Variants in CFAP20DC observed in about 807,000 individuals in gnomAD.
The protein encoded by CFAP20DC is protein CFAP20DC.
A neutral mutation model predicts 101.7 loss-of-function variants in CFAP20DC; 84 were observed. That is an observed-to-expected ratio of 0.83 (90% CI 0.69 to 0.99). The LOEUF is 0.99. Ranked by LOEUF, CFAP20DC falls within the 50% of genes least tolerant of loss-of-function variation. The pLI, the probability that CFAP20DC is intolerant of heterozygous loss-of-function variation, is 0.00. For missense variants in CFAP20DC, 1,007 were observed against 970.3 expected, an observed-to-expected ratio of 1.04 and a Z score of -0.50; for synonymous variants, 359 against 351.2, an observed-to-expected ratio of 1.02 and a Z score of -0.25.
downstream of CFAP20DC, among the ~76,000 whole-genome samples, chr3:58,741,486 T>C (rs2067883257): frequency 6.6e-6 from 1 of 151,894 alleles, no homozygotes; most frequent in East Asian, 1.9e-4. Context: ...AATTCAGAGA[T>C]AATTGTCAAA....
rs1161991218 is a variant in CFAP20DC, at chr3:58,964,325, G to A, written c.279-26563C>T. Among the ~76,000 whole-genome samples, 1 of 152,168 alleles carries A rather than the reference G, an allele frequency of 6.6e-6. No homozygotes were observed. The highest frequency in any genetic ancestry group is 1.5e-5 in the Non-Finnish European group (1 of 68,032). Reference sequence around the variant, plus strand: ...CTGAAAAGACCTTTTGAGGTACAGGGCCTAACTGTAATACATTTGAATGTT... The same window carrying A: ...CTGAAAAGACCTTTTGAGGTACAGGACCTAACTGTAATACATTTGAATGTT... On this transcript the variant is annotated intron_variant, in intron 4 of 16. Coordinates refer to ENST00000482387, the MANE Select transcript of CFAP20DC (RefSeq NM_001394063.1). The surrounding 1 kb of genome is among the most constrained non-coding windows in gnomAD (Gnocchi z 4.1).
intron 4 of CFAP20DC, among the ~76,000 whole-genome samples, chr3:58,948,673 C>A (rs1430686543): frequency 6.6e-6 from 1 of 152,194 alleles, no homozygotes. Flanking sequence ...TTTTGATGTG[C>A]TGCTGGATTC....
At chr3:58,983,280 T>C (rs1327989035) in intron 4 of CFAP20DC, among the ~76,000 whole-genome samples, 1 of 152,184 alleles carries the variant, frequency 6.6e-6, no homozygotes, top group African/African-American at 2.4e-5. Context: ...GCTACACCTG[T>C]TTTATGGAAG....
In CFAP20DC at chr3:58,914,948, G is replaced by T. The variant is rs1243669793; in HGVS notation, c.394-1084C>A. The T allele has an allele frequency of 3.3e-5, 5 of 152,182 alleles. No individual in the cohort carries two copies. Among genetic ancestry groups the T allele is most frequent in the Admixed American group, 2.0e-4 (3 of 15,256 alleles). 9.4% of individuals were successfully genotyped at this position (152,182 alleles called of 1,614,324 possible). A position where few individuals can be genotyped will look rare whatever the true frequency, so the allele number is the denominator to read the frequency against. On this transcript the variant is annotated intron_variant, in intron 5 of 16. Coordinates refer to ENST00000482387, the MANE Select transcript of CFAP20DC (RefSeq NM_001394063.1). This position sits in a 1 kb window ranked among gnomAD's most constrained non-coding sequence, Gnocchi z 4.9. ...AGGCAGCAGGTAAACTGAGAGTCAA[G>T]TAATAGTGTGATTGGCTTGACTGGC... is the stretch of plus-strand genomic sequence containing the variant.
rs1197528359 is a variant in CFAP20DC, at chr3:58,799,737, G to A, written c.2237+6658C>T. 9.8e-6 allele frequency among the ~76,000 whole-genome samples: 1 copy of A among 101,992 alleles called. No individual in the cohort carries two copies. The highest frequency in any genetic ancestry group is 2.0e-5 in the Non-Finnish European group (1 of 50,218). The allele number at this position is 101,992 out of a possible 152,430, so 66.9% of individuals were successfully genotyped here. A position where few individuals can be genotyped will look rare whatever the true frequency, so the allele number is the denominator to read the frequency against. ...TGTGTGTGTCTGTGTGTGTGTCTGT[G>A]TGTGTGTGTGTGTGTGTGTGTGTGT... is the stretch of plus-strand genomic sequence containing the variant. On this transcript the variant is annotated intron_variant, in intron 15 of 16. Coordinates refer to ENST00000482387, the MANE Select transcript of CFAP20DC (RefSeq NM_001394063.1). This position sits in a 1 kb window ranked among gnomAD's most constrained non-coding sequence, Gnocchi z 4.9.
intron 15 of CFAP20DC, among the ~76,000 whole-genome samples, chr3:58,789,994 G>A (rs974736095): frequency 6.6e-5 from 10 of 152,096 alleles, no homozygotes; most frequent in African/African-American, 2.4e-4. Flanking sequence ...AACTATTTTA[G>A]ACTAAGAATT....
intron 13 of CFAP20DC, among the ~76,000 whole-genome samples, chr3:58,839,636 G>A (rs2076966186): frequency 6.6e-6 from 1 of 152,188 alleles, no homozygotes; most frequent in African/African-American, 2.4e-5. Context: ...TTGATGAGTA[G>A]GATGCTAACC....
At position 58,771,406 on chromosome 3, in the gene CFAP20DC, C is replaced by CA. The variant is rs544858645; in HGVS notation, c.2238-17544dup. On this transcript the variant is annotated intron_variant, in intron 15 of 16. Transcript: ENST00000482387. ...CCAGAACTTAAAGTATAATAAAAAA[C>CA]AAAAAAAAACAAGCAAAAAACAAAA... is the stretch of plus-strand genomic sequence containing the variant. Among the ~76,000 whole-genome samples, 624 of 149,370 alleles carry CA rather than the reference C, an allele frequency of 4.2e-3. 5 individuals are homozygous for CA. Among genetic ancestry groups the CA allele is most frequent in the Middle Eastern group, 0.014 (4 of 292 alleles).
At chr3:58,858,948 T>G (rs1159568676) in intron 12 of CFAP20DC, among the ~76,000 whole-genome samples, 1 of 152,190 alleles carries the variant, frequency 6.6e-6, no homozygotes, top group Non-Finnish European at 1.5e-5. Flanking sequence ...AATAATTTCT[T>G]CTTTGATGAT....
intron 7 of CFAP20DC, among the ~76,000 whole-genome samples, chr3:58,877,341 T>A (rs910102160): frequency 6.6e-6 from 1 of 152,210 alleles, no homozygotes; most frequent in African/African-American, 2.4e-5. Flanking sequence ...TATAAATAAC[T>A]ACATGATTAT....
At chr3:58,941,512 T>C (rs1332966906) in intron 4 of CFAP20DC, among the ~76,000 whole-genome samples, 1 of 152,072 alleles carries the variant, frequency 6.6e-6, no homozygotes, top group Non-Finnish European at 1.5e-5. Context: ...AACAATCATG[T>C]CCCGGAGTGA....
chr3:58,961,316 G>C (rs1289476543), intron 4 of CFAP20DC, among the ~76,000 whole-genome samples: 2 of 152,206 alleles, frequency 1.3e-5, no homozygotes, highest in Non-Finnish European at 2.9e-5. Flanking sequence ...CACTTTGGGA[G>C]GCCAAGGTGG....
Position 58,913,750 on chromosome 3 carries a change from A to G in CFAP20DC, c.508T>C (p.Phe170Leu). ...VSANCKLRKI[F>L]TLKSKPQDTA... ...TCTTGTGGCTTTGATTTTAAGGTGA[A>G]GATCTTCCGTAGCTTACAGTTAGCT... is the stretch of plus-strand genomic sequence containing the variant. The change falls in exon 6 of 17, where the codon TTC becomes CTC. Residue 170 changes from phenylalanine to leucine, a missense_variant. Phe to Leu is a conservative substitution (Grantham distance 22). Coordinates refer to ENST00000482387, the MANE Select transcript of CFAP20DC (RefSeq NM_001394063.1). The surrounding 1 kb of genome is among the most constrained non-coding windows in gnomAD (Gnocchi z 4.4). 2.5e-6 allele frequency: 4 copies of G among 1,613,758 alleles called. No homozygotes were observed. The highest frequency in any genetic ancestry group is 3.4e-6 in the Non-Finnish European group (4 of 1,179,810).
chr3:58,725,357 C>T (rs1051200454), intron 3 of CFAP20DC, among the ~76,000 whole-genome samples: 5 of 152,178 alleles, frequency 3.3e-5, no homozygotes, highest in Admixed American at 3.3e-4. Context: ...TGGACTGTTT[C>T]TGGGTTGCCG....
At chr3:58,775,431 T>C (rs2071234891) in intron 15 of CFAP20DC, among the ~76,000 whole-genome samples, 2 of 152,190 alleles carry the variant, frequency 1.3e-5, no homozygotes, top group South Asian at 2.1e-4. Context: ...CCTTTCACAC[T>C]AGTGTGATTG....
chr3:59,049,639 G>T lies in CFAP20DC; in HGVS notation c.-8C>A, dbSNP rs1272552055. ...GTACTCATTTTTGAACATTCCCGCA[G>T]GGGGCCCAGGGCTTGGGGGGCACAG... is the stretch of plus-strand genomic sequence containing the variant. On this transcript the variant is annotated 5_prime_UTR_variant, in exon 1 of 17. In the 5' UTR this introduces an upstream ATG that the reference lacks. Coordinates refer to ENST00000482387, the MANE Select transcript of CFAP20DC (RefSeq NM_001394063.1). 4 of 1,536,094 alleles carry T rather than the reference G, an allele frequency of 2.6e-6. No individual in the cohort carries two copies. The highest frequency in any genetic ancestry group is 2.7e-5 in the African/African-American group (2 of 73,168).
chr3:58,735,879 G>A (rs2067742268), intron 3 of CFAP20DC, among the ~76,000 whole-genome samples: 1 of 152,162 alleles, frequency 6.6e-6, no homozygotes, highest in Non-Finnish European at 1.5e-5. Flanking sequence ...GCTGACCACA[G>A]CCGATTATAA....
rs184412024 is a variant in CFAP20DC at position 58,766,525 on chromosome 3, C to T, written c.2238-12662G>A. Among the ~76,000 whole-genome samples, 15 of 152,332 alleles carry T rather than the reference C, an allele frequency of 9.8e-5. No homozygotes were observed. In the East Asian group the frequency reaches 2.9e-3, roughly 29 times the overall value. On this transcript the variant is annotated intron_variant, in intron 15 of 16. Transcript: ENST00000482387. Reference sequence around the variant, plus strand: ...CACTCATCCTGGCTTCATTTCTCCTCTGTTCTCCACACTATAGCCAAAATT... The same window carrying T: ...CACTCATCCTGGCTTCATTTCTCCTTTGTTCTCCACACTATAGCCAAAATT...
chr3:58,785,970 C>A (rs548358663), intron 15 of CFAP20DC, among the ~76,000 whole-genome samples: 1 of 152,186 alleles, frequency 6.6e-6, no homozygotes, highest in South Asian at 2.1e-4. Flanking sequence ...AGTTTCTGGC[C>A]CTTGAAAGCC....
Sources: gnomAD v4.1 joint callset for allele counts (sites outside exome capture counted in the v4.1 genomes callset) on GRCh38, gnomAD v4.1.1 for gene constraint, Gnocchi (gnomAD v3.1) non-coding constraint, MANE v1.5 for transcripts, NCBI Gene and HGNC (gene_info 2026-07-23, HGNC 2026-07-21) for gene names.